Variants in ANO4 observed in about 807,000 individuals in gnomAD.
ANO4 encodes anoctamin-4.
A neutral mutation model predicts 141.9 loss-of-function variants in ANO4; 69 were observed. The ratio of observed to expected loss-of-function variants is 0.49; its 90% CI spans 0.40 to 0.59. The LOEUF (loss-of-function observed/expected upper bound fraction) is 0.59. Among genes scored for constraint, ANO4 ranks in the 20% least tolerant of loss-of-function variants. The pLI is 0.00. For synonymous variants in ANO4, 350 were observed against 394.3 expected (o/e 0.89, Z 1.33); for missense variants, 894 against 1,162.2 (o/e 0.77, Z 3.36).
chr12:100,992,162 A>G (rs987401), intron 8 of ANO4, among the ~76,000 whole-genome samples: 24,652 of 152,168 alleles, frequency 0.16, 2,181 homozygotes, highest in Admixed American at 0.21. Context: ...GTCACCACCA[A>G]TCCATTCTCT....
intron 1 of ANO4, among the ~76,000 whole-genome samples, chr12:100,810,185 G>T (rs945749471): frequency 1.3e-5 from 2 of 151,080 alleles, no homozygotes; most frequent in Non-Finnish European, 3.0e-5. Context: ...TCTGGGCAAG[G>T]TGATGTTTGA....
intron 3 of ANO4, among the ~76,000 whole-genome samples, chr12:100,768,526 A>G (rs759525569): frequency 1.4e-4 from 21 of 152,116 alleles, no homozygotes; most frequent in Non-Finnish European, 2.5e-4. Context: ...CTGTGTTTAA[A>G]TTTATATGCC....
chr12:100,784,362 G>A (rs909789293), intron 3 of ANO4, among the ~76,000 whole-genome samples: 1 of 152,068 alleles, frequency 6.6e-6, no homozygotes, highest in Non-Finnish European at 1.5e-5. Context: ...GGAACACAGC[G>A]ACTGTTTCCT....
In ANO4 at chr12:100,825,595, G is replaced by A. The variant is rs185396670; in HGVS notation, c.-141+30568G>A. On this transcript the variant is annotated intron_variant, in intron 1 of 27. Coordinates refer to ENST00000392977, the MANE Select transcript of ANO4 (RefSeq NM_001286615.2). ...ACTGATTCTGTAGTAAGAAGAACTA[G>A]GAAGATGTCCAGGCCTCACATATGA... Among the ~76,000 whole-genome samples the A allele has an allele frequency of 3.3e-5, 5 of 152,134 alleles. No homozygotes were observed. The East Asian group carries it at 9.7e-4, about 30-fold the overall frequency.
intron 1 of ANO4, among the ~76,000 whole-genome samples, chr12:100,891,963 T>G (rs2040130182): frequency 6.6e-6 from 1 of 152,224 alleles, no homozygotes; most frequent in Non-Finnish European, 1.5e-5. Context: ...CTGGTACTTA[T>G]GAGTTCAAAA....
chr12:100,962,047 A>G (rs1482493277), intron 5 of ANO4, among the ~76,000 whole-genome samples: 2 of 152,222 alleles, frequency 1.3e-5, no homozygotes, highest in Non-Finnish European at 2.9e-5. Context: ...AGAACCTCTA[A>G]TGAAATGTGT....
chr12:101,011,011 GTC>G (rs1238715137), intron 8 of ANO4, among the ~76,000 whole-genome samples: 1 of 152,154 alleles, frequency 6.6e-6, no homozygotes, highest in African/African-American at 2.4e-5. Context: ...GTCCAAAATG[GTC>G]TCTGTCATTC....
At chr12:100,756,108 A>G (rs1514801) in intron 3 of ANO4, among the ~76,000 whole-genome samples, 16,480 of 152,268 alleles carry the variant, frequency 0.11, 1,153 homozygotes, top group South Asian at 0.22. Flanking sequence ...TGCAATTACA[A>G]AATTCTAAAA....
intron 1 of ANO4, among the ~76,000 whole-genome samples, chr12:100,729,486 A>G (rs1230645293): frequency 6.6e-6 from 1 of 151,702 alleles, no homozygotes; most frequent in Non-Finnish European, 1.5e-5. Context: ...ATGTTATAAT[A>G]TAGGTGCCTT....
chr12:100,926,833 T>C lies in ANO4; in HGVS notation c.160+4503T>C, dbSNP rs1477477402. On this transcript the variant is annotated intron_variant, in intron 3 of 27. Coordinates refer to ENST00000392977, the MANE Select transcript of ANO4 (RefSeq NM_001286615.2). ...AGAAGAAATTGCAAGAGAGATGCCCTGTAGAGGGAGCCAGGCTTCTGGTAG... is the reference window on the plus strand; with the variant it reads ...AGAAGAAATTGCAAGAGAGATGCCCCGTAGAGGGAGCCAGGCTTCTGGTAG... Among the ~76,000 whole-genome samples the C allele has an allele frequency of 2.0e-5, 3 of 151,966 alleles. No homozygotes were observed. In the East Asian group the frequency reaches 5.8e-4, roughly 29 times the overall value.
chr12:101,116,817 G>A lies in ANO4; in HGVS notation c.2570+19G>A, dbSNP rs776357886. The A allele has an allele frequency of 1.9e-5, 31 of 1,613,840 alleles. No individual in the cohort carries two copies. The highest frequency in any genetic ancestry group is 2.2e-5 in the East Asian group (1 of 44,892). ...ACTGCAGGTGAGTGTGGCACCCAGC[G>A]TGGCTCTGCCTGAGCTGGGCTGGCT... On this transcript the variant is annotated intron_variant, in intron 25 of 27. Transcript: ENST00000392977.
intron 5 of ANO4, among the ~76,000 whole-genome samples, chr12:100,968,474 C>G (rs2043776880): frequency 1.3e-5 from 2 of 152,020 alleles, no homozygotes; most frequent in Admixed American, 1.3e-4. Context: ...ATCACATTTC[C>G]ATATAGTGTC....
intron 19 of ANO4, among the ~76,000 whole-genome samples, chr12:101,097,433 T>C (rs1316669456): frequency 2.6e-5 from 4 of 152,190 alleles, no homozygotes; most frequent in South Asian, 2.1e-4. Context: ...AACTGGCTTC[T>C]GCTTTAGGCA....
intron 1 of ANO4, among the ~76,000 whole-genome samples, chr12:100,825,403 A>T (rs1370129626): frequency 6.6e-6 from 1 of 152,010 alleles, no homozygotes; most frequent in Non-Finnish European, 1.5e-5. Flanking sequence ...ATTTCTTGAT[A>T]TGTAAGGTGA....
rs762236759 is a variant in ANO4, at chr12:101,099,660, A to G, written c.2089A>G (p.Lys697Glu). ...GAAAATAAGTTTCCCACAATGGGAA[A>G]AGGACTATAACCTTCAGCCGATGAA... Reference protein sequence around the residue: ...ERKISFPQWEKDYNLQPMNAY... With the variant: ...ERKISFPQWEEDYNLQPMNAY... Residue 697 changes from lysine to glutamate, a missense_variant, in exon 22 of 28, where the codon AAG becomes GAG. Physicochemically the swap from Lys to Glu is moderately conservative, Grantham distance 56. Transcript: ENST00000392977. The G allele has an allele frequency of 1.5e-5, 24 of 1,611,866 alleles. No homozygotes were observed. The highest frequency in any genetic ancestry group is 2.0e-5 in the Non-Finnish European group (24 of 1,179,346).
chr12:100,903,795 A>G (rs1055789277), intron 2 of ANO4, among the ~76,000 whole-genome samples: 3 of 152,204 alleles, frequency 2.0e-5, no homozygotes, highest in Admixed American at 2.0e-4. Flanking sequence ...CATAAAGTCA[A>G]CTGACTATGA....
At position 101,079,262 on chromosome 12, in the gene ANO4, G is replaced by A; in HGVS notation, c.1382G>A (p.Trp461Ter). The change falls in exon 15 of 28, where the codon TGG becomes TAG. Residue 461 changes from tryptophan (W) to a stop codon, truncating the protein, a stop_gained. Transcript: ENST00000392977. LOFTEE classifies it high-confidence loss of function. ...VIAYDWDLIDWEEEEEEIRPQ... is the reference protein window; with the variant it reads ...VIAYDWDLID ...GCTTATGACTGGGATTTGATAGACT[G>A]GGAAGAAGAGGAGGTTTGTATCATT... is the stretch of plus-strand genomic sequence containing the variant. 6.2e-7 allele frequency: 1 copy of A among 1,613,704 alleles called. No homozygotes were observed. Among genetic ancestry groups the A allele is most frequent in the Non-Finnish European group, 8.5e-7 (1 of 1,179,678 alleles).
At chr12:100,838,344 G>C (rs932233091) in intron 1 of ANO4, among the ~76,000 whole-genome samples, 3 of 151,974 alleles carry the variant, frequency 2.0e-5, no homozygotes, top group African/African-American at 7.3e-5. Flanking sequence ...GGCAGGAGTT[G>C]ACTGAGCCTC....
chr12:100,855,555 A>G (rs2038120530), intron 1 of ANO4, among the ~76,000 whole-genome samples: 1 of 152,010 alleles, frequency 6.6e-6, no homozygotes, highest in Non-Finnish European at 1.5e-5. Context: ...TAGCCTCTTG[A>G]ATTGGTGTAC....
Sources: gnomAD v4.1 joint callset for allele counts (sites outside exome capture counted in the v4.1 genomes callset) on GRCh38, gnomAD v4.1.1 for gene constraint, MANE v1.5 for transcripts, NCBI Gene and HGNC (gene_info 2026-07-23, HGNC 2026-07-21) for gene names.